The following CHD6 variants were observed in gnomAD, a reference collection of about 807,000 sequenced individuals.
CHD6 encodes the protein chromodomain helicase DNA binding protein 6.
In CHD6, 50 loss-of-function variants were observed where a neutral mutation model predicts 276.9. The ratio of observed to expected loss-of-function variants is 0.18; its 90% confidence interval spans 0.14 to 0.23. The LOEUF is 0.23. Ranked by LOEUF, CHD6 falls within the 10% of genes least tolerant of loss-of-function variation. The pLI is 1.00. For missense variants in CHD6, 2,564 were observed against 3,365.8 expected, an observed-to-expected ratio of 0.76 and a Z score of 5.89; for synonymous variants, 1,173 against 1,229.3, an observed-to-expected ratio of 0.95 and a Z score of 0.96.
At chr20:41,528,722 A>G (rs2044606317) in intron 3 of CHD6, among the ~76,000 whole-genome samples, 1 of 152,200 alleles carries the variant, frequency 6.6e-6, no homozygotes, top group African/African-American at 2.4e-5. Flanking sequence ...AACTTCTCCT[A>G]TTTAAGAATT....
chr20:41,556,001 G>A (rs1312966903), intron 1 of CHD6, among the ~76,000 whole-genome samples: 1 of 152,240 alleles, frequency 6.6e-6, no homozygotes, highest in Non-Finnish European at 1.5e-5. Flanking sequence ...TGCAATCCCG[G>A]CACCTCGGGA....
chr20:41,545,041 T>C (rs1254392789), intron 2 of CHD6, among the ~76,000 whole-genome samples: 1 of 152,164 alleles, frequency 6.6e-6, no homozygotes, highest in African/African-American at 2.4e-5. Flanking sequence ...GACAGGGAGC[T>C]TACTGCTTAC....
intron 5 of CHD6, among the ~76,000 whole-genome samples, chr20:41,504,709 G>A (rs6124354): frequency 0.21 from 32,434 of 151,964 alleles, 3,768 homozygotes; most frequent in East Asian, 0.39. Context: ...CTGTGCTGGC[G>A]CCCTCTATTT....
chr20:41,490,643 T>A (rs62208500), intron 11 of CHD6, among the ~76,000 whole-genome samples: 15,141 of 152,030 alleles, frequency 0.1, 1,005 homozygotes, highest in Non-Finnish European at 0.15. Context: ...TGAAACCCCA[T>A]CTCTATTAAA....
At chr20:41,411,908 A>C (rs1248602326) in intron 36 of CHD6, among the ~76,000 whole-genome samples, 1 of 152,264 alleles carries the variant, frequency 6.6e-6, no homozygotes, top group African/African-American at 2.4e-5. Context: ...ATGGTTTAAC[A>C]AACAATTCTG....
intron 5 of CHD6, among the ~76,000 whole-genome samples, chr20:41,506,024 A>AT (rs1172782866): frequency 6.6e-6 from 1 of 152,094 alleles, no homozygotes; most frequent in African/African-American, 2.4e-5. Context: ...TCCATACACC[A>AT]TATCTGACTG....
rs73265424 is a variant in CHD6, at chr20:41,537,214, A to G, written c.34-3644T>C. On this transcript the variant is annotated intron_variant, in intron 2 of 36. Transcript: ENST00000373233. ...TTTTGCACTTTAAAGAATATTATCA[A>G]GAAAGTACAGTTGGCCCTCTAAATC... is the stretch of plus-strand genomic sequence containing the variant. 2.7e-3 allele frequency among the ~76,000 whole-genome samples: 404 copies of G among 152,346 alleles called. 2 individuals carry two copies. The highest frequency in any genetic ancestry group is 9.4e-3 in the African/African-American group (390 of 41,584).
At chr20:41,504,170 CTGTT>C (rs1464156065) in intron 5 of CHD6, among the ~76,000 whole-genome samples, 1 of 145,246 alleles carries the variant, frequency 6.9e-6, no homozygotes, top group African/African-American at 2.5e-5. Context: ...ACCTTTTGCT[CTGTT>C]TGATTCATTC....
chr20:41,545,289 T>C (rs753002088), intron 2 of CHD6, among the ~76,000 whole-genome samples: 6 of 152,220 alleles, frequency 3.9e-5, no homozygotes, highest in Non-Finnish European at 5.9e-5. Context: ...TCAGTGACTT[T>C]ATTCTGGCCT....
At position 41,404,263 on chromosome 20, in the gene CHD6, C is replaced by A; in HGVS notation, c.*330G>T. 9.2e-7 allele frequency: 1 copy of A among 1,092,320 alleles called. No individual in the cohort carries two copies. The highest frequency in any genetic ancestry group is 4.5e-5 in the South Asian group (1 of 22,242). The allele number at this position is 1,092,320 out of a possible 1,614,324, so 67.7% of individuals were successfully genotyped here. A position where few individuals can be genotyped will look rare whatever the true frequency, so the allele number is the denominator to read the frequency against. On this transcript the variant is annotated 3_prime_UTR_variant, in exon 37 of 37. Transcript: ENST00000373233. ...TAAAACCCTAGACAGCTTTCTTTTG[C>A]CATTTTTCCTCCTCAAGTGAGTGGG...
At position 41,415,396 on chromosome 20, in the gene CHD6, C is replaced by T; in HGVS notation, c.6729G>A (p.Gly2243=). 6.2e-7 allele frequency: 1 copy of T among 1,613,566 alleles called. No individual in the cohort carries two copies. Residue 2243 remains glycine, a synonymous_variant, in exon 34 of 37, where the codon GGG becomes GGA. Coordinates refer to ENST00000373233, the MANE Select transcript of CHD6 (RefSeq NM_032221.5). ...GGGCTCCCTGAAGTGAACTGATAGC[C>T]CCAATCTTAGGGGTGCTGGCGCTCA... is the stretch of plus-strand genomic sequence containing the variant. ...FPVSASTPKI[G]AISSLQGALG... is the part of the protein sequence containing the mutation.
At chr20:41,582,886 AG>A (rs1160457994) in intron 1 of CHD6, among the ~76,000 whole-genome samples, 2 of 152,212 alleles carry the variant, frequency 1.3e-5, no homozygotes, top group East Asian at 3.8e-4. Context: ...TACACAGTCA[AG>A]GAAGTAATCG....
intron 1 of CHD6, among the ~76,000 whole-genome samples, chr20:41,599,853 C>A (rs1323663748): frequency 1.3e-5 from 2 of 152,218 alleles, no homozygotes; most frequent in African/African-American, 4.8e-5. Context: ...TCCCTTCCCG[C>A]CTAATTGGCC....
At chr20:41,465,112 A>T (rs1193060150) in intron 17 of CHD6, among the ~76,000 whole-genome samples, 1 of 152,246 alleles carries the variant, frequency 6.6e-6, no homozygotes, top group East Asian at 1.9e-4. Context: ...CACCATGGTA[A>T]TAATTTACTG....
intron 36 of CHD6, among the ~76,000 whole-genome samples, chr20:41,410,249 C>T (rs1023463090): frequency 6.6e-6 from 1 of 152,064 alleles, no homozygotes; most frequent in Non-Finnish European, 1.5e-5. Context: ...TCATAGGGGT[C>T]GAGCCCTTAT....
chr20:41,512,373 T>C (rs1182853149), intron 5 of CHD6, among the ~76,000 whole-genome samples: 1 of 151,946 alleles, frequency 6.6e-6, no homozygotes, highest in African/African-American at 2.4e-5. Flanking sequence ...CACAAGGGGC[T>C]GAAACAGAAT....
rs774511365 is a variant in CHD6, at chr20:41,533,353, T to A, written c.251A>T (p.Asp84Val). ...CACTCCAGTACCTCCTCCTCCACTGTCCTCCATCCCATTATGGGATGTCAT... is the reference window on the plus strand; with the variant it reads ...CACTCCAGTACCTCCTCCTCCACTGACCTCCATCCCATTATGGGATGTCAT... Reference protein sequence around the residue: ...RKMTSHNGMEDSGGGGTGVKK... With the variant: ...RKMTSHNGMEVSGGGGTGVKK... Residue 84 changes from aspartate (D) to valine (V), a missense_variant, in exon 3 of 37, where the codon GAC becomes GTC. Physicochemically the swap from Asp to Val is radical, Grantham distance 152 (BLOSUM62 -3). Coordinates refer to ENST00000373233, the MANE Select transcript of CHD6 (RefSeq NM_032221.5). The A allele has an allele frequency of 1.9e-6, 3 of 1,614,094 alleles. No homozygotes were observed. The South Asian group carries it at 3.3e-5, about 18-fold the overall frequency.
At position 41,489,868 on chromosome 20, in the gene CHD6, T is replaced by C. The variant is rs780333552; in HGVS notation, c.1590A>G (p.Thr530=). Residue 530 remains threonine (T), a synonymous_variant, in exon 12 of 37, where the codon ACA becomes ACG. Transcript: ENST00000373233. ...ACACAATGGCATTCATCTCTGTCCA[T>C]GTCCGGAACTCCCGCTCCCAGTTAG... ...TITNWEREFR[T]WTEMNAIVYH... is the part of the protein sequence containing the mutation. 5.6e-6 allele frequency: 9 copies of C among 1,613,862 alleles called. No homozygotes were observed. The East Asian group carries it at 6.7e-5, about 12-fold the overall frequency.
intron 5 of CHD6, among the ~76,000 whole-genome samples, chr20:41,501,951 A>T (rs1386404184): frequency 1.3e-5 from 2 of 152,110 alleles, no homozygotes; most frequent in Non-Finnish European, 2.9e-5. Context: ...CTCTTTTGTG[A>T]ACCTCCTATT....
Sources: gnomAD v4.1 joint callset for allele counts (sites outside exome capture counted in the v4.1 genomes callset) on GRCh38, gnomAD v4.1.1 for gene constraint, MANE v1.5 for transcripts, NCBI Gene and HGNC (gene_info 2026-07-23, HGNC 2026-07-21) for gene names.